The following NSRP1 variants were observed in gnomAD, a reference collection of about 807,000 sequenced individuals.
NSRP1 encodes coiled-coil domain containing 55.
In NSRP1, 24 loss-of-function variants were observed where a neutral mutation model predicts 54.7. The observed-to-expected ratio is 0.44, with a 90% CI of 0.32 to 0.62. The LOEUF is 0.62. NSRP1 is among the 20% of genes least tolerant of loss of function. The pLI, the probability that NSRP1 is intolerant of heterozygous loss-of-function variation, is 0.06. For synonymous variants in NSRP1, 210 were observed against 213.8 expected (o/e 0.98, Z 0.15); for missense variants, 596 against 651.2 (o/e 0.92, Z 0.92).
At chr17:30,134,901 G>T (rs1462251375) in intron 2 of NSRP1, among the ~76,000 whole-genome samples, 1 of 152,144 alleles carries the variant, frequency 6.6e-6, no homozygotes, top group Non-Finnish European at 1.5e-5. Flanking sequence ...TTTTTATCAT[G>T]TGAAATTACA....
intron 2 of NSRP1, among the ~76,000 whole-genome samples, chr17:30,125,194 C>CA (rs1036118560): frequency 2.1e-4 from 31 of 148,426 alleles, no homozygotes; most frequent in African/African-American, 4.5e-4. Context: ...GACTCCGTCT[C>CA]AAAAAAAAAG....
At chr17:30,144,270 T>A (rs891372735) in intron 2 of NSRP1, 1 of 137,310 alleles carries the variant, frequency 7.3e-6, no homozygotes, top group Non-Finnish European at 1.6e-5. Flanking sequence ...ATTATTATTA[T>A]TTTTTTTTGA....
chr17:30,141,831 C>T (rs1163198003), intron 2 of NSRP1, among the ~76,000 whole-genome samples: 1 of 152,076 alleles, frequency 6.6e-6, no homozygotes, highest in African/African-American at 2.4e-5. Flanking sequence ...GGTGAAACCT[C>T]GTCTCTACTA....
chr17:30,182,600 C>A (rs1011618146), intron 6 of NSRP1, among the ~76,000 whole-genome samples: 2 of 151,974 alleles, frequency 1.3e-5, no homozygotes, highest in Admixed American at 1.3e-4. Flanking sequence ...TGAGATAGCG[C>A]CACTGCACTC....
At chr17:30,174,741 G>T (rs1440495608) in intron 3 of NSRP1, among the ~76,000 whole-genome samples, 1 of 152,106 alleles carries the variant, frequency 6.6e-6, no homozygotes, top group Admixed American at 6.6e-5. Context: ...TGACCATGTT[G>T]GTTTTATACC....
intron 3 of NSRP1, among the ~76,000 whole-genome samples, chr17:30,172,967 A>G (rs1242738189): frequency 6.9e-6 from 1 of 145,598 alleles, no homozygotes; most frequent in Non-Finnish European, 1.5e-5. Flanking sequence ...AGATATATAG[A>G]TTTTTTTTTT....
chr17:30,153,629 TTAAAA>T (rs1212474752), intron 2 of NSRP1, among the ~76,000 whole-genome samples: 2 of 152,090 alleles, frequency 1.3e-5, no homozygotes, highest in African/African-American at 4.8e-5. Flanking sequence ...GCATCCTTTT[TTAAAA>T]TAAAGTTTTA....
Position 30,183,720 on chromosome 17 carries a change from G to C in NSRP1, c.618-895G>C, listed in dbSNP as rs571827330. ...GTACTTGCCAGCTGGAACAATGAAGGTAATATAATTTTAGTATTGTTGATT... is the reference window on the plus strand; with the variant it reads ...GTACTTGCCAGCTGGAACAATGAAGCTAATATAATTTTAGTATTGTTGATT... On this transcript the variant is annotated intron_variant, in intron 6 of 6. Transcript: ENST00000247026. Among the ~76,000 whole-genome samples, 707 of 152,128 alleles carry C rather than the reference G, an allele frequency of 4.6e-3. 4 individuals carry two copies. Among genetic ancestry groups the C allele is most frequent in the Non-Finnish European group, 8.4e-3 (574 of 68,010 alleles).
chr17:30,132,579 T>C (rs993651934), intron 2 of NSRP1, among the ~76,000 whole-genome samples: 1 of 152,182 alleles, frequency 6.6e-6, no homozygotes, highest in Non-Finnish European at 1.5e-5. Context: ...TTTTCTTTGC[T>C]CATCCAGTAG....
chr17:30,172,480 C>T, intron 2 of NSRP1, 62 bp from the exon 3 acceptor site: 1 of 1,355,884 alleles, frequency 7.4e-7, no homozygotes, highest in Non-Finnish European at 1.0e-6. Context: ...ATAGGGGACG[C>T]TCGTACTGGA....
In NSRP1 at chr17:30,184,999, C is replaced by T. The variant is rs187800283; in HGVS notation, c.1002C>T (p.Asp334=). The T allele has an allele frequency of 9.9e-6, 16 of 1,614,066 alleles. No homozygotes were observed. The East Asian group carries it at 3.1e-4, about 31-fold the overall frequency. Residue 334 remains aspartate, a synonymous_variant, in exon 7 of 7, where the codon GAC becomes GAT. Coordinates refer to ENST00000247026, the MANE Select transcript of NSRP1 (RefSeq NM_032141.4). ...QSRDQENHYT[D]RDYRKERDSH... Reference sequence around the variant, plus strand: ...GAGACCAAGAGAACCATTACACTGACCGTGATTACCGGAAAGAAAGGGATT... The same window carrying T: ...GAGACCAAGAGAACCATTACACTGATCGTGATTACCGGAAAGAAAGGGATT...
intron 2 of NSRP1, chr17:30,168,983 T>C (rs954642667): frequency 1.3e-5 from 2 of 152,026 alleles, no homozygotes; most frequent in South Asian, 2.1e-4. Context: ...AGTTTGTGAA[T>C]AGAATATGTA....
chr17:30,181,072 T>G lies in NSRP1; in HGVS notation c.617+56T>G. On this transcript the variant is annotated intron_variant, in intron 6 of 6. Transcript: ENST00000247026. ...AAAAATACTGTTAATAATCTGTGGT[T>G]GTGGGGTCATTTTAACCCTCTGAAA... 6 of 1,090,214 alleles carry G rather than the reference T, an allele frequency of 5.5e-6. No homozygotes were observed. In the South Asian group the frequency reaches 7.5e-5, roughly 14 times the overall value. 67.5% of individuals were successfully genotyped at this position (1,090,214 alleles called of 1,614,324 possible).
intron 2 of NSRP1, among the ~76,000 whole-genome samples, chr17:30,129,245 T>C (rs2071678803): frequency 6.6e-6 from 1 of 152,040 alleles, no homozygotes; most frequent in South Asian, 2.1e-4. Flanking sequence ...ATGAGGTAGA[T>C]GAAATAAGGA....
At chr17:30,129,559 GA>G (rs748562775) in intron 2 of NSRP1, among the ~76,000 whole-genome samples, 10 of 151,848 alleles carry the variant, frequency 6.6e-5, no homozygotes, top group Non-Finnish European at 1.2e-4. Flanking sequence ...AAATTTTCTT[GA>G]AAAAGTAAGT....
At position 30,171,976 on chromosome 17, in the gene NSRP1, C is replaced by CCTCTCTCTCTCTCTCT. The variant is rs58666089; in HGVS notation, c.115-542_115-527dup. On this transcript the variant is annotated intron_variant, in intron 2 of 6. Transcript: ENST00000247026. ...CACACACACACACACACACACACTC[C>CCTCTCTCTCTCTCTCT]CTCTCTCTCTCTCTCTCTCTCTCTC... 2.0e-3 allele frequency among the ~76,000 whole-genome samples: 162 copies of CCTCTCTCTCTCTCTCT among 80,418 alleles called. 3 individuals are homozygous for CCTCTCTCTCTCTCTCT. Among genetic ancestry groups the CCTCTCTCTCTCTCTCT allele is most frequent in the African/African-American group, 4.9e-3 (119 of 24,306 alleles). The allele number at this position is 80,418 out of a possible 152,430, so 52.8% of individuals were successfully genotyped here. A position where few individuals can be genotyped will look rare whatever the true frequency, so the allele number is the denominator to read the frequency against.
Position 30,176,696 on chromosome 17 carries a change from TTTCC to T in NSRP1, c.172-1374_172-1371del, listed in dbSNP as rs1477580543. On this transcript the variant is annotated intron_variant, in intron 3 of 6. Transcript: ENST00000247026. ...TGGTGATTATTTCTTAGATTCCATGTTTCCCTCTTTGTGTTATCCAGGCTGGTTT... is the reference window on the plus strand; with the variant it reads ...TGGTGATTATTTCTTAGATTCCATGTCTCTTTGTGTTATCCAGGCTGGTTT... Among the ~76,000 whole-genome samples the T allele has an allele frequency of 6.7e-5, 10 of 149,630 alleles. No homozygotes were observed. The East Asian group carries it at 1.9e-3, about 28-fold the overall frequency.
chr17:30,130,663 T>C (rs536206745), intron 2 of NSRP1, among the ~76,000 whole-genome samples: 46 of 152,336 alleles, frequency 3.0e-4, no homozygotes, highest in Admixed American at 1.4e-3. Context: ...TAGTTTCTTT[T>C]ATCCCTACTT....
intron 2 of NSRP1, among the ~76,000 whole-genome samples, chr17:30,124,319 G>T (rs180931439): frequency 3.9e-5 from 6 of 152,318 alleles, no homozygotes; most frequent in African/African-American, 1.4e-4. Flanking sequence ...GTTTGAGAAG[G>T]ATGGGTTTAC....
Sources: allele counts gnomAD v4.1 joint callset (sites outside exome capture counted in the v4.1 genomes callset), GRCh38; gene constraint gnomAD v4.1.1; transcripts MANE v1.5; gene names NCBI Gene and HGNC (gene_info 2026-07-23, HGNC 2026-07-21).